Variants in ZNF608 observed in about 807,000 individuals in gnomAD.
The protein encoded by ZNF608 is zinc finger protein 608.
Under a neutral mutation model 109.0 loss-of-function variants are expected in ZNF608, and 12 were observed. The ratio of observed to expected loss-of-function variants is 0.11; its 90% CI spans 0.07 to 0.18. The LOEUF is 0.18. ZNF608 is among the 10% of genes least tolerant of loss of function. The probability of loss-of-function intolerance (pLI) is 1.00; values close to 1 mark genes in which losing one functional copy is unlikely to be tolerated. For synonymous variants in ZNF608, 732 were observed against 717.4 expected, an observed-to-expected ratio of 1.02 and a Z score of -0.33; for missense variants, 1,707 against 1,879.3, an observed-to-expected ratio of 0.91 and a Z score of 1.70.
chr5:124,647,770 G>C lies in ZNF608; in HGVS notation c.2614C>G (p.Gln872Glu). 1 of 1,614,070 alleles carries C rather than the reference G, an allele frequency of 6.2e-7. No individual in the cohort carries two copies. Among genetic ancestry groups the C allele is most frequent in the Non-Finnish European group, 8.5e-7 (1 of 1,179,928 alleles). Reference protein sequence around the residue: ...EGLANGLSESQESRMASIKAE... With the variant: ...EGLANGLSESEESRMASIKAE... ...TTGATACTGGCCATGCGGCTCTCCT[G>C]AGACTCCGACAGTCCATTTGCCAGC... The change falls in exon 5 of 10, where the codon CAG (glutamine) becomes GAG (glutamate). Residue 872 changes from glutamine (Q) to glutamate (E), a missense_variant. Physicochemically the swap from Gln to Glu is conservative, Grantham distance 29. Coordinates refer to ENST00000513986, the MANE Select transcript of ZNF608 (RefSeq NM_020747.3).
Position 124,701,013 on chromosome 5 carries a change from CCTT to C in ZNF608, c.1160_1162del (p.Glu387del). The C allele has an allele frequency of 2.5e-6, 4 of 1,613,870 alleles. No homozygotes were observed. The highest frequency in any genetic ancestry group is 3.4e-6 in the Non-Finnish European group (4 of 1,179,842). ...AATATATAAAAATAAATTGTATTTA[CCTT>C]CTTCTGTTTCATGCCACACGATCCC... On this transcript the variant is annotated inframe_deletion and splice_region_variant, in exon 3 of 10. Transcript: ENST00000513986.
chr5:124,667,159 T>C (rs147844244), intron 3 of ZNF608, among the ~76,000 whole-genome samples: 35 of 152,336 alleles, frequency 2.3e-4, no homozygotes, highest in African/African-American at 8.4e-4. Context: ...CTCTTCAAGA[T>C]AACATCTACT....
At position 124,729,097 on chromosome 5, in the gene ZNF608, G is replaced by T. The variant is rs192072213; in HGVS notation, c.906+14987C>A. Among the ~76,000 whole-genome samples the T allele has an allele frequency of 7.9e-5, 12 of 152,326 alleles. No individual in the cohort carries two copies. In the East Asian group the frequency reaches 2.3e-3, roughly 29 times the overall value. ...AAGCAACCAGAAGGAGGAGGTCCCT[G>T]AGTCGCTTTAAAAGCATCAGTTCTG... On this transcript the variant is annotated intron_variant, in intron 2 of 9. Coordinates refer to ENST00000513986, the MANE Select transcript of ZNF608 (RefSeq NM_020747.3).
Position 124,649,669 on chromosome 5 carries a change from C to A in ZNF608, c.1191G>T (p.Arg397Ser), listed in dbSNP as rs1750694831. ...EGVLVVNVTW[R>S]NKTYVGTLLD... ...GTAGGGTTCCCACGTACGTTTTGTT[C>A]CTCCACGTGACATTGACCACTAGGA... Residue 397 changes from arginine (R) to serine (S), a missense_variant, in exon 4 of 10, where the codon AGG (arginine) becomes AGT (serine). By Grantham distance (110) the Arg-to-Ser change is moderately radical. Transcript: ENST00000513986. 4 of 1,608,838 alleles carry A rather than the reference C, an allele frequency of 2.5e-6. No individual in the cohort carries two copies. The highest frequency in any genetic ancestry group is 3.4e-6 in the Non-Finnish European group (4 of 1,176,496).
chr5:124,691,011 G>A (rs1032328657), intron 3 of ZNF608, among the ~76,000 whole-genome samples: 7 of 151,528 alleles, frequency 4.6e-5, no homozygotes, highest in Admixed American at 4.6e-4. Context: ...ATTTTTCATT[G>A]GGTTATTTGT....
chr5:124,673,784 A>C (rs2149816188), intron 3 of ZNF608, among the ~76,000 whole-genome samples: 1 of 152,294 alleles, frequency 6.6e-6, no homozygotes, highest in East Asian at 1.9e-4. Context: ...TCAAATGCTT[A>C]TCTCTAAATC....
At chr5:124,698,842 C>G (rs1363573568) in intron 3 of ZNF608, among the ~76,000 whole-genome samples, 1 of 152,148 alleles carries the variant, frequency 6.6e-6, no homozygotes, top group Non-Finnish European at 1.5e-5. Context: ...GACTTCTAAG[C>G]AAAGTGAAAA....
intron 3 of ZNF608, among the ~76,000 whole-genome samples, chr5:124,650,872 G>C (rs7701817): frequency 0.62 from 94,560 of 152,128 alleles, 30,863 homozygotes; most frequent in African/African-American, 0.82. Flanking sequence ...AAAACCTGTA[G>C]TGGGCTCCTT....
chr5:124,724,299 G>T (rs1754051789), intron 2 of ZNF608, among the ~76,000 whole-genome samples: 1 of 151,820 alleles, frequency 6.6e-6, no homozygotes, highest in African/African-American at 2.4e-5. Flanking sequence ...AACAGTCTGG[G>T]GGGCATAAGG....
chr5:124,640,790 C>T (rs1241990022), intron 8 of ZNF608, among the ~76,000 whole-genome samples: 3 of 152,274 alleles, frequency 2.0e-5, no homozygotes, highest in South Asian at 2.1e-4. Flanking sequence ...GAAGAACCCT[C>T]GAATGAGGTT....
intron 6 of ZNF608, 34 bp from the exon 7 acceptor site, chr5:124,643,717 C>T (rs1407230525): frequency 1.9e-6 from 3 of 1,595,130 alleles, no homozygotes; most frequent in East Asian, 2.2e-5. Flanking sequence ...CATCAAGTTA[C>T]AGGCTATATC....
chr5:124,637,714 T>C lies in ZNF608; in HGVS notation c.*186A>G, dbSNP rs1259033420. 7.3e-6 allele frequency: 3 copies of C among 413,228 alleles called. No individual in the cohort carries two copies. Among genetic ancestry groups the C allele is most frequent in the African/African-American group, 6.3e-5 (3 of 47,432 alleles). The allele number at this position is 413,228 out of a possible 1,614,324, so 25.6% of individuals were successfully genotyped here. Reference sequence around the variant, plus strand: ...ATACAGATATGTATACGTATATATATATAAAACAGAAGTTTAATTACAGCA... The same window carrying C: ...ATACAGATATGTATACGTATATATACATAAAACAGAAGTTTAATTACAGCA... On this transcript the variant is annotated 3_prime_UTR_variant, in exon 10 of 10. Transcript: ENST00000513986.
chr5:124,694,336 T>G (rs1752755473), intron 3 of ZNF608, among the ~76,000 whole-genome samples: 2 of 151,816 alleles, frequency 1.3e-5, no homozygotes, highest in African/African-American at 4.8e-5. Flanking sequence ...GTTTTGTTGT[T>G]TATTATGTAT....
chr5:124,746,157 C>T, intron 1 of ZNF608, 38 bp downstream of exon 1: 1 of 985,032 alleles, frequency 1.0e-6, no homozygotes, highest in Non-Finnish European at 1.2e-6. Context: ...AATAAATATA[C>T]ATACACACAC....
At chr5:124,722,200 G>C (rs1266062269) in intron 2 of ZNF608, among the ~76,000 whole-genome samples, 1 of 152,036 alleles carries the variant, frequency 6.6e-6, no homozygotes, top group Admixed American at 6.5e-5. Flanking sequence ...GACTAGAAGA[G>C]ATGACCTGCA....
intron 3 of ZNF608, among the ~76,000 whole-genome samples, chr5:124,678,896 G>A (rs1229550152): frequency 6.6e-6 from 1 of 152,114 alleles, no homozygotes; most frequent in African/African-American, 2.4e-5. Flanking sequence ...CAAATCTCCA[G>A]GTCTGTCTGC....
chr5:124,664,165 C>A (rs1442563561), intron 3 of ZNF608, among the ~76,000 whole-genome samples: 1 of 151,842 alleles, frequency 6.6e-6, no homozygotes, highest in Non-Finnish European at 1.5e-5. Flanking sequence ...TTTCTTATAG[C>A]CTAGAAATAA....
Position 124,644,579 on chromosome 5 carries a change from T to A in ZNF608, c.3788A>T (p.Glu1263Val). Residue 1263 changes from glutamate (E) to valine (V), a missense_variant, in exon 6 of 10, where the codon GAG (glutamate) becomes GTG (valine). Around this residue, in one of 7 missense-constraint regions of ZNF608, gnomAD observed 1,073 missense variants for 1,133.5 expected, o/e 0.95. Transcript: ENST00000513986. ...DQQKSEELDR[E>V]KKLKEDSPRK... ...CGGACTATCCTCTTTTAATTTCTTCTCTCTATCAAGTTCTTCTGACTTTTG... is the reference window on the plus strand; with the variant it reads ...CGGACTATCCTCTTTTAATTTCTTCACTCTATCAAGTTCTTCTGACTTTTG... 6.2e-7 allele frequency: 1 copy of A among 1,613,870 alleles called. No homozygotes were observed. The highest frequency in any genetic ancestry group is 8.5e-7 in the Non-Finnish European group (1 of 1,179,948).
chr5:124,681,555 C>A (rs2149825690), intron 3 of ZNF608, among the ~76,000 whole-genome samples: 2 of 152,258 alleles, frequency 1.3e-5, no homozygotes, highest in African/African-American at 4.8e-5. Flanking sequence ...CCTTTAAACT[C>A]CTAGGAAGAT....
Sources: gnomAD v4.1 joint callset for allele counts (sites outside exome capture counted in the v4.1 genomes callset) on GRCh38, gnomAD v4.1.1 for gene constraint, gnomAD v4.1.1 regional missense constraint, MANE v1.5 for transcripts, NCBI Gene and HGNC (gene_info 2026-07-23, HGNC 2026-07-21) for gene names.